Variants in DOCK1 observed in about 807,000 individuals in gnomAD.
DOCK1 encodes the protein dedicator of cytokinesis 1, also known as dedicator of cytokinesis protein 1.
A neutral mutation model predicts 262.7 loss-of-function variants in DOCK1; 138 were observed. The observed-to-expected ratio is 0.53, with a 90% CI of 0.46 to 0.61. The LOEUF is 0.61. Among genes scored for constraint, DOCK1 ranks in the 20% least tolerant of loss-of-function variants. The pLI is 0.00. For synonymous variants in DOCK1, 866 were observed against 867.4 expected (o/e 1.00, Z 0.03); for missense variants, 1,908 against 2,370.7 (o/e 0.80, Z 4.05).
chr10:127,288,308 T>A, intron 29 of DOCK1, among the ~76,000 whole-genome samples: 1 of 152,170 alleles, frequency 6.6e-6, no homozygotes, highest in Non-Finnish European at 1.5e-5. Flanking sequence ...CTCAGGTTGA[T>A]CTTTTACATT....
At chr10:127,053,199 G>A (rs1440480869) in intron 22 of DOCK1, among the ~76,000 whole-genome samples, 4 of 152,140 alleles carry the variant, frequency 2.6e-5, no homozygotes, top group African/African-American at 4.8e-5. Context: ...AAAATAGGCC[G>A]GGCGCAGTGG....
At chr10:127,369,968 C>T (rs1167126876) in intron 33 of DOCK1, among the ~76,000 whole-genome samples, 2 of 152,178 alleles carry the variant, frequency 1.3e-5, no homozygotes, top group Non-Finnish European at 2.9e-5. Context: ...AAGGGTTGTG[C>T]GGTGTCACAC....
At chr10:127,355,217 AT>A (rs2064087778) in intron 32 of DOCK1, among the ~76,000 whole-genome samples, 1 of 152,160 alleles carries the variant, frequency 6.6e-6, no homozygotes, top group Admixed American at 6.5e-5. Flanking sequence ...TATGAAATTA[AT>A]AGGAGTTTAT....
chr10:127,138,586 A>G (rs992011272), intron 27 of DOCK1, among the ~76,000 whole-genome samples: 15 of 152,160 alleles, frequency 9.9e-5, no homozygotes, highest in Non-Finnish European at 2.2e-4. Context: ...AACGCTGGGG[A>G]AAATAGTGTG....
At chr10:127,399,197 T>C (rs558967786) in intron 38 of DOCK1, among the ~76,000 whole-genome samples, 1 of 152,308 alleles carries the variant, frequency 6.6e-6, no homozygotes, top group East Asian at 1.9e-4. Flanking sequence ...TAAAGCTTTC[T>C]GCTGATATGG....
chr10:127,017,473 A>G (rs975383879), intron 12 of DOCK1, among the ~76,000 whole-genome samples: 1 of 149,710 alleles, frequency 6.7e-6, no homozygotes, highest in Admixed American at 6.7e-5. Flanking sequence ...CCACACGCAT[A>G]CAGATACACA....
At position 126,999,369 on chromosome 10, in the gene DOCK1, T is replaced by C. The variant is rs1184044120; in HGVS notation, c.783T>C (p.Val261=). 1 of 1,613,442 alleles carries C rather than the reference T, an allele frequency of 6.2e-7. No homozygotes were observed. The highest frequency in any genetic ancestry group is 8.5e-7 in the Non-Finnish European group (1 of 1,179,678). The change falls in exon 9 of 52, where the codon GTT becomes GTC. Residue 261 remains valine (V), a synonymous_variant. Transcript: ENST00000623213. ...ATTTTTCAAGTGAGAACTACCTGGT[T>C]CGCTGGTCCAGTTCAGGATTACCTA... ...ESKFISENYL[V]RWSSSGLPKD...
At chr10:127,312,494 A>T (rs2062098563) in intron 29 of DOCK1, among the ~76,000 whole-genome samples, 1 of 152,096 alleles carries the variant, frequency 6.6e-6, no homozygotes, top group Non-Finnish European at 1.5e-5. Context: ...ATGAATTGGG[A>T]TGGTCTCCAG....
intron 33 of DOCK1, among the ~76,000 whole-genome samples, chr10:127,362,859 A>ACAT (rs2064586738): frequency 2.8e-4 from 1 of 3,568 alleles, no homozygotes. Flanking sequence ...ACACATGTAC[A>ACAT]TCCCCACACA....
chr10:127,361,395 T>C (rs890444232), intron 32 of DOCK1, among the ~76,000 whole-genome samples: 10 of 152,188 alleles, frequency 6.6e-5, no homozygotes, highest in Non-Finnish European at 5.9e-5. Context: ...ATTACAGGCG[T>C]GAGCCACCAC....
At chr10:127,295,489 C>T (rs1202549107) in intron 29 of DOCK1, among the ~76,000 whole-genome samples, 1 of 152,032 alleles carries the variant, frequency 6.6e-6, no homozygotes, top group African/African-American at 2.4e-5. Flanking sequence ...TTGGAGGGGA[C>T]AAAACGTCCA....
intron 27 of DOCK1, among the ~76,000 whole-genome samples, chr10:127,235,165 C>T (rs1239832767): frequency 6.6e-6 from 1 of 151,080 alleles, no homozygotes; most frequent in African/African-American, 2.4e-5. Flanking sequence ...ATATTTTATA[C>T]ATTATAAATG....
chr10:127,277,050 C>A (rs1474477452), intron 29 of DOCK1, among the ~76,000 whole-genome samples: 1 of 152,170 alleles, frequency 6.6e-6, no homozygotes, highest in Non-Finnish European at 1.5e-5. Flanking sequence ...CTGGGGTGGC[C>A]ATGACTAAGG....
At chr10:127,407,781 G>A (rs1030649396) in intron 40 of DOCK1, among the ~76,000 whole-genome samples, 1 of 152,060 alleles carries the variant, frequency 6.6e-6, no homozygotes, top group Admixed American at 6.5e-5. Context: ...CGTGTCCCCT[G>A]ATCAAAGAAC....
intron 26 of DOCK1, among the ~76,000 whole-genome samples, chr10:127,126,312 G>T (rs1361425265): frequency 6.6e-6 from 1 of 151,974 alleles, no homozygotes; most frequent in East Asian, 1.9e-4. Context: ...GGCCAGGCTG[G>T]TCTCAAACTC....
intron 37 of DOCK1, 91 bp downstream of exon 37, chr10:127,381,459 G>A: frequency 8.6e-7 from 1 of 1,156,566 alleles, no homozygotes. Flanking sequence ...AATTTTAGTA[G>A]GCCTATAACT....
chr10:127,276,506 T>A (rs2060747063), intron 29 of DOCK1, among the ~76,000 whole-genome samples: 1 of 152,142 alleles, frequency 6.6e-6, no homozygotes, highest in Admixed American at 6.5e-5. Flanking sequence ...TCCTGTTCCT[T>A]CTCTCGCCAC....
At position 127,412,773 on chromosome 10, in the gene DOCK1, G is replaced by A. The variant is rs77794163; in HGVS notation, c.4428+1849G>A. On this transcript the variant is annotated intron_variant, in intron 43 of 51. Transcript: ENST00000623213. ...GAGTCTCCTAGCTCAGCTCTTAAGA[G>A]CCATGGGGAAGTTCCTTCCAGCCCC... Among the ~76,000 whole-genome samples, 29 of 152,342 alleles carry A rather than the reference G, an allele frequency of 1.9e-4. 1 individual carries two copies. The East Asian group carries it at 5.0e-3, about 26-fold the overall frequency.
At chr10:127,276,811 A>G (rs1158761962) in intron 29 of DOCK1, among the ~76,000 whole-genome samples, 2 of 152,210 alleles carry the variant, frequency 1.3e-5, no homozygotes, top group African/African-American at 2.4e-5. Context: ...CTATTGCAGA[A>G]TGCATGCAGG....
Sources: allele counts gnomAD v4.1 joint callset (sites outside exome capture counted in the v4.1 genomes callset), GRCh38; gene constraint gnomAD v4.1.1; transcripts MANE v1.5; gene names NCBI Gene and HGNC (gene_info 2026-07-23, HGNC 2026-07-21).